The following ZNF543 variants were observed in gnomAD, a reference collection of about 807,000 sequenced individuals.
ZNF543 encodes the protein zinc finger protein 543.
In ZNF543, 10 loss-of-function variants were observed where a neutral mutation model predicts 13.4. That is an observed-to-expected ratio of 0.75 (90% CI 0.46 to 1.26). The LOEUF (loss-of-function observed/expected upper bound fraction) is 1.26, where lower values mean the gene tolerates loss of function less well. Among genes scored for constraint, ZNF543 ranks in the 50% most tolerant of loss-of-function variants. ZNF543 has a pLI of 0.00. For synonymous variants in ZNF543, 272 were observed against 264.7 expected (o/e 1.03, Z -0.27); for missense variants, 768 against 741.2 (o/e 1.04, Z -0.42).
At position 57,328,929 on chromosome 19, in the gene ZNF543, C is replaced by T. The variant is rs764316954; in HGVS notation, c.1467C>T (p.Asn489=). Residue 489 remains asparagine (N), a synonymous_variant, in exon 4 of 4, where the codon AAC becomes AAT. Transcript: ENST00000321545. Reference sequence around the variant, plus strand: ...GCGTGGAGTGTGGAAAGGCCTTCAACCGCAGCTCACACCTCACGAGGCACC... The same window carrying T: ...GCGTGGAGTGTGGAAAGGCCTTCAATCGCAGCTCACACCTCACGAGGCACC... ...YECVECGKAF[N]RSSHLTRHQQ... 3.3e-5 allele frequency: 54 copies of T among 1,613,976 alleles called. No individual in the cohort carries two copies. The highest frequency in any genetic ancestry group is 4.3e-5 in the Non-Finnish European group (51 of 1,180,006).
rs1555775965 is a variant in ZNF543, at chr19:57,320,542, G to GC, written c.-311dup. On this transcript the variant is annotated 5_prime_UTR_variant, in exon 1 of 4. Coordinates refer to ENST00000321545, the MANE Select transcript of ZNF543 (RefSeq NM_213598.4). ...GTGGGGCCTGGACCGCTGGGTAGGC[G>GC]CGTCCAGCGGCCTGAGCAGGGGAGG... The GC allele has an allele frequency of 2.7e-6, 1 of 369,332 alleles. No homozygotes were observed. Among genetic ancestry groups the GC allele is most frequent in the Non-Finnish European group, 5.0e-6 (1 of 199,608 alleles). 22.9% of individuals were successfully genotyped at this position (369,332 alleles called of 1,614,324 possible).
Position 57,330,283 on chromosome 19 carries a change from G to C in ZNF543, c.*1018G>C, listed in dbSNP as rs527492363. 9.3e-4 allele frequency: 117 copies of C among 126,068 alleles called. No homozygotes were observed. The highest frequency in any genetic ancestry group is 3.4e-3 in the African/African-American group (113 of 33,380). The allele number at this position is 126,068 out of a possible 1,614,324, so 7.8% of individuals were successfully genotyped here. A position where few individuals can be genotyped will look rare whatever the true frequency, so the allele number is the denominator to read the frequency against. On this transcript the variant is annotated 3_prime_UTR_variant, in exon 4 of 4. Transcript: ENST00000321545. ...ATTTACTTTTTTTTTTTTTTTTTAA[G>C]TTTTCCTGGGATAGGGATGATAGTG...
intron 1 of ZNF543, among the ~76,000 whole-genome samples, chr19:57,322,370 C>G (rs1184013271): frequency 1.3e-5 from 2 of 151,598 alleles, no homozygotes; most frequent in Admixed American, 1.3e-4. Context: ...GAAAATATTT[C>G]AAGTGGCTAA....
rs1348497707 is a variant in ZNF543, at chr19:57,329,095, A to AATCG, written c.1634_1637dup (p.Gly547SerfsTer51). 4 of 1,614,240 alleles carry AATCG rather than the reference A, an allele frequency of 2.5e-6. No individual in the cohort carries two copies. Among genetic ancestry groups the AATCG allele is most frequent in the Non-Finnish European group, 3.4e-6 (4 of 1,180,044 alleles). ...ATGCAGTGAGTGTGGAAAGGCTTTT[A>AATCG]ATCGCGGCTCATCCCTCACACATCA... On this transcript the variant is annotated frameshift_variant, in exon 4 of 4. Transcript: ENST00000321545. LOFTEE classifies it low-confidence loss of function (END_TRUNC).
Position 57,328,345 on chromosome 19 carries a change from C to G in ZNF543, c.883C>G (p.Arg295Gly), listed in dbSNP as rs766600211. 6.2e-7 allele frequency: 1 copy of G among 1,610,766 alleles called. No individual in the cohort carries two copies. The highest frequency in any genetic ancestry group is 1.1e-5 in the South Asian group (1 of 90,948). ...TGAATGTGGAAAGGCCTTCACCCAC[C>G]GCTCCACTTTTGTCTTGCATCACAG... The part of the protein sequence containing the change: ...CSECGKAFTH[R>G]STFVLHHRSH... Residue 295 changes from arginine to glycine, a missense_variant, in exon 4 of 4, where the codon CGC becomes GGC. Arg to Gly is a moderately radical substitution (Grantham distance 125). Around this residue, in one of 3 missense-constraint regions of ZNF543, gnomAD observed 677 missense variants for 631.4 expected, o/e 1.07. Transcript: ENST00000321545.
At position 57,328,838 on chromosome 19, in the gene ZNF543, C is replaced by A. The variant is rs1306344240; in HGVS notation, c.1376C>A (p.Ala459Asp). ...TATGAATGCAAAGAATGTGGAAAAGCCTTTAGTGATAGGGCAGACCTCATT... is the reference window on the plus strand; with the variant it reads ...TATGAATGCAAAGAATGTGGAAAAGACTTTAGTGATAGGGCAGACCTCATT... ...KPYECKECGK[A>D]FSDRADLIRH... The change falls in exon 4 of 4, where the codon GCC becomes GAC. Residue 459 changes from alanine to aspartate, a missense_variant. By Grantham distance (126) the Ala-to-Asp change is moderately radical. This residue lies in a region of ZNF543 where 677 missense variants were observed against 631.4 expected (regional missense o/e 1.07). Coordinates refer to ENST00000321545, the MANE Select transcript of ZNF543 (RefSeq NM_213598.4). 6.2e-7 allele frequency: 1 copy of A among 1,614,052 alleles called. No individual in the cohort carries two copies. Among genetic ancestry groups the A allele is most frequent in the African/African-American group, 1.3e-5 (1 of 74,984 alleles).
Position 57,327,785 on chromosome 19 carries a change from T to C in ZNF543, c.323T>C (p.Leu108Pro), listed in dbSNP as rs2088131755. The C allele has an allele frequency of 6.2e-7, 1 of 1,614,100 alleles. No homozygotes were observed. The highest frequency in any genetic ancestry group is 8.5e-7 in the Non-Finnish European group (1 of 1,180,020). ...LPEEVLLQEQLTQGASKNSQL... is the reference protein window; with the variant it reads ...LPEEVLLQEQPTQGASKNSQL... Reference sequence around the variant, plus strand: ...GAGGAAGTCTTACTCCAGGAACAACTGACACAAGGAGCCTCAAAGAACTCC... The same window carrying C: ...GAGGAAGTCTTACTCCAGGAACAACCGACACAAGGAGCCTCAAAGAACTCC... The change falls in exon 4 of 4, where the codon CTG (leucine) becomes CCG (proline). Residue 108 changes from leucine to proline, a missense_variant. Around this residue, in one of 3 missense-constraint regions of ZNF543, gnomAD observed 677 missense variants for 631.4 expected, o/e 1.07. Coordinates refer to ENST00000321545, the MANE Select transcript of ZNF543 (RefSeq NM_213598.4).
At position 57,328,931 on chromosome 19, in the gene ZNF543, G is replaced by T. The variant is rs1007275172; in HGVS notation, c.1469G>T (p.Arg490Leu). Reference protein sequence around the residue: ...ECVECGKAFNRSSHLTRHQQI... With the variant: ...ECVECGKAFNLSSHLTRHQQI... The stretch of plus-strand genomic sequence containing the variant: ...GTGGAGTGTGGAAAGGCCTTCAACC[G>T]CAGCTCACACCTCACGAGGCACCAA... Residue 490 changes from arginine to leucine, a missense_variant, in exon 4 of 4, where the codon CGC (arginine) becomes CTC (leucine). Transcript: ENST00000321545. 30 of 1,613,878 alleles carry T rather than the reference G, an allele frequency of 1.9e-5. No homozygotes were observed. Among genetic ancestry groups the T allele is most frequent in the African/African-American group, 2.7e-5 (2 of 74,850 alleles).
Position 57,329,274 on chromosome 19 carries a change from A to T in ZNF543, c.*9A>T. 2 of 1,585,200 alleles carry T rather than the reference A, an allele frequency of 1.3e-6. No homozygotes were observed. The highest frequency in any genetic ancestry group is 1.7e-6 in the Non-Finnish European group (2 of 1,165,808). On this transcript the variant is annotated 3_prime_UTR_variant, in exon 4 of 4. Transcript: ENST00000321545. The stretch of plus-strand genomic sequence containing the variant: ...AAGAAAATCTGTGGTGAAAGGGAAC[A>T]TCTTACCATCTGGCCATTCACACTG...
intron 1 of ZNF543, among the ~76,000 whole-genome samples, chr19:57,323,063 T>C (rs893059964): frequency 2.6e-5 from 4 of 152,154 alleles, no homozygotes; most frequent in Admixed American, 2.6e-4. Flanking sequence ...TTTGTTATTA[T>C]TCTTTCCCAT....
In ZNF543 at chr19:57,328,179, C is replaced by A; in HGVS notation, c.717C>A (p.Ser239Arg). Residue 239 changes from serine (S) to arginine (R), a missense_variant, in exon 4 of 4, where the codon AGC becomes AGA. This residue lies in a region of ZNF543 where 677 missense variants were observed against 631.4 expected (regional missense o/e 1.07). Transcript: ENST00000321545. ...AGTGTGGGAAAACCTTTAGCAAGAG[C>A]ACTCATCTTCTTCAGCACCTCATCA... is the stretch of plus-strand genomic sequence containing the variant. ...CTECGKTFSK[S>R]THLLQHLIIH... 6.2e-7 allele frequency: 1 copy of A among 1,613,186 alleles called. No homozygotes were observed. Among genetic ancestry groups the A allele is most frequent in the Non-Finnish European group, 8.5e-7 (1 of 1,179,270 alleles).
rs746730195 is a variant in ZNF543, at chr19:57,328,676, A to G, written c.1214A>G (p.Asn405Ser). 1 of 1,613,322 alleles carries G rather than the reference A, an allele frequency of 6.2e-7. No homozygotes were observed. Among genetic ancestry groups the G allele is most frequent in the Non-Finnish European group, 8.5e-7 (1 of 1,179,590 alleles). Residue 405 changes from asparagine (N) to serine (S), a missense_variant, in exon 4 of 4, where the codon AAC (asparagine) becomes AGC (serine). Transcript: ENST00000321545. ...YKCMECGKAF[N>S]RRSHLKQHQR... ...TGCATGGAGTGTGGGAAGGCGTTCA[A>G]CCGTAGGTCACACCTCAAGCAGCAT...
At chr19:57,324,244 A>G (rs2088107814) in intron 2 of ZNF543, among the ~76,000 whole-genome samples, 1 of 151,330 alleles carries the variant, frequency 6.6e-6, no homozygotes, top group African/African-American at 2.4e-5. Flanking sequence ...CCAGCTACTC[A>G]GGAGGCTGAG....
intron 1 of ZNF543, among the ~76,000 whole-genome samples, chr19:57,323,127 G>C (rs2088099299): frequency 1.3e-5 from 2 of 151,654 alleles, no homozygotes; most frequent in Non-Finnish European, 2.9e-5. Context: ...CCTTAGGATT[G>C]TCCTAACCTT....
intron 2 of ZNF543, 141 bp from the exon 3 acceptor site, chr19:57,326,491 TG>T: frequency 1.6e-6 from 1 of 613,580 alleles, no homozygotes; most frequent in Non-Finnish European, 2.8e-6. Context: ...GGTTGTTTTA[TG>T]GTCACGGTTC....
chr19:57,323,854 T>A, intron 2 of ZNF543, 46 bp downstream of exon 2: 2 of 1,590,980 alleles, frequency 1.3e-6, no homozygotes, highest in South Asian at 1.1e-5. Flanking sequence ...TGAGTTCTCC[T>A]ACTCATGTTC....
chr19:57,323,511 C>T, intron 1 of ZNF543, 171 bp from the exon 2 acceptor site: 1 of 868,320 alleles, frequency 1.2e-6, no homozygotes, highest in Admixed American at 1.8e-5. Context: ...GTAATTTATC[C>T]AAGGCAATGT....
Position 57,329,185 on chromosome 19 carries a change from G to C in ZNF543, c.1723G>C (p.Ala575Pro). 6.2e-7 allele frequency: 1 copy of C among 1,614,108 alleles called. No homozygotes were observed. Among genetic ancestry groups the C allele is most frequent in the Non-Finnish European group, 8.5e-7 (1 of 1,179,994 alleles). Residue 575 changes from alanine (A) to proline (P), a missense_variant, in exon 4 of 4, where the codon GCA (alanine) becomes CCA (proline). Around this residue, in one of 3 missense-constraint regions of ZNF543, gnomAD observed 677 missense variants for 631.4 expected, o/e 1.07. Coordinates refer to ENST00000321545, the MANE Select transcript of ZNF543 (RefSeq NM_213598.4). ...VTDVGRPFMT[A>P]QTSVNIQELL... ...AGATGTGGGAAGACCTTTTATGACT[G>C]CACAGACTTCAGTCAACATCCAGGA...
chr19:57,330,258 A>G lies in ZNF543; in HGVS notation c.*993A>G, dbSNP rs1044832641. ...ATACACATACTTTTTCTTGATGTGG[A>G]TTTACTTTTTTTTTTTTTTTTTAAG... On this transcript the variant is annotated 3_prime_UTR_variant, in exon 4 of 4. Coordinates refer to ENST00000321545, the MANE Select transcript of ZNF543 (RefSeq NM_213598.4). 2 of 124,940 alleles carry G rather than the reference A, an allele frequency of 1.6e-5. No individual in the cohort carries two copies. The highest frequency in any genetic ancestry group is 1.7e-5 in the Non-Finnish European group (1 of 60,332). The allele number at this position is 124,940 out of a possible 1,614,324, so 7.7% of individuals were successfully genotyped here. A position where few individuals can be genotyped will look rare whatever the true frequency, so the allele number is the denominator to read the frequency against.
Sources: allele counts gnomAD v4.1 joint callset (sites outside exome capture counted in the v4.1 genomes callset), GRCh38; gene constraint gnomAD v4.1.1; regional missense constraint gnomAD v4.1.1; transcripts MANE v1.5; gene names NCBI Gene and HGNC (gene_info 2026-07-23, HGNC 2026-07-21).